THRAP3: variants seen among roughly 807,000 people sequenced by gnomAD.
THRAP3 encodes the protein thyroid hormone receptor-associated protein 3.
In THRAP3, 16 loss-of-function variants were observed where a neutral mutation model predicts 101.0. The observed-to-expected ratio is 0.16, with a 90% CI of 0.11 to 0.24. The LOEUF (loss-of-function observed/expected upper bound fraction) is 0.24. Among genes scored for constraint, THRAP3 ranks in the 10% least tolerant of loss-of-function variants. THRAP3 has a pLI of 1.00. For synonymous variants in THRAP3, 407 were observed against 422.6 expected (o/e 0.96, Z 0.45); for missense variants, 989 against 1,202.7 (o/e 0.82, Z 2.63).
chr1:36,213,696 A>C, the THRAP3 span, among the ~76,000 whole-genome samples: 1 of 151,374 alleles, frequency 6.6e-6, no homozygotes, highest in South Asian at 2.1e-4. Flanking sequence ...AAATACAAAA[A>C]ATTAGCCGGG....
intron 2 of THRAP3, among the ~76,000 whole-genome samples, chr1:36,278,673 C>T (rs1317974150): frequency 6.6e-6 from 1 of 152,112 alleles, no homozygotes; most frequent in East Asian, 1.9e-4. Flanking sequence ...CATGTAATCC[C>T]AGCACTTTGG....
chr1:36,242,393 G>A (rs1645171563), intron 1 of THRAP3, among the ~76,000 whole-genome samples: 1 of 151,420 alleles, frequency 6.6e-6, no homozygotes. Flanking sequence ...GCTGAAGTGA[G>A]CTTCCCAGCT....
chr1:36,213,940 AAAG>A, the THRAP3 span, among the ~76,000 whole-genome samples: 1 of 127,978 alleles, frequency 7.8e-6, no homozygotes, highest in Admixed American at 7.5e-5. Context: ...AGAAAGAAAG[AAAG>A]AAAGAAAGAA....
Position 36,296,704 on chromosome 1 carries a change from C to G in THRAP3, c.2237C>G (p.Ser746Cys). ...AGAGAATCAGTGGATTCCCGAGACT[C>G]CAGTCACTCAAGGGAAAGGTCAGCT... The part of the protein sequence containing the change: ...KSRESVDSRD[S>C]SHSRERSAEK... Residue 746 changes from serine to cysteine, a missense_variant, in exon 9 of 12, where the codon TCC (serine) becomes TGC (cysteine). By Grantham distance (112) the Ser-to-Cys change is moderately radical. Transcript: ENST00000354618. The G allele has an allele frequency of 6.2e-7, 1 of 1,610,092 alleles. No homozygotes were observed. Among genetic ancestry groups the G allele is most frequent in the Non-Finnish European group, 8.5e-7 (1 of 1,179,050 alleles).
chr1:36,269,046 A>G (rs1221156194), intron 2 of THRAP3, among the ~76,000 whole-genome samples: 1 of 144,764 alleles, frequency 6.9e-6, no homozygotes. Context: ...TTTAATCTGG[A>G]GAAAACAATA....
At chr1:36,277,776 T>C (rs1294789168) in intron 2 of THRAP3, among the ~76,000 whole-genome samples, 4 of 151,964 alleles carry the variant, frequency 2.6e-5, no homozygotes, top group Non-Finnish European at 5.9e-5. Context: ...ATTATTATTT[T>C]GAGACGGAAT....
At chr1:36,216,495 CAAAAAAA>C in the THRAP3 span, among the ~76,000 whole-genome samples, 17 of 56,394 alleles carry the variant, frequency 3.0e-4, no homozygotes, top group South Asian at 5.3e-4. Context: ...GACTCCGTCT[CAAAAAAA>C]AAAAAAAAAA....
chr1:36,233,112 GC>G (rs781432138), intron 1 of THRAP3, among the ~76,000 whole-genome samples: 7 of 151,318 alleles, frequency 4.6e-5, no homozygotes, highest in Non-Finnish European at 7.4e-5. Flanking sequence ...CAGGTGATCT[GC>G]CCCCTCGGCC....
In THRAP3 at chr1:36,250,700, G is replaced by T. The variant is rs551313021; in HGVS notation, c.-134-8682G>T. Among the ~76,000 whole-genome samples the T allele has an allele frequency of 2.0e-5, 3 of 151,252 alleles. No individual in the cohort carries two copies. In the South Asian group the frequency reaches 6.3e-4, roughly 32 times the overall value. The stretch of plus-strand genomic sequence containing the variant: ...GCTGAAGCGGGCGGATCACTTGAGG[G>T]CGGGAGTTCGAGACCAGCCTGGCCA... On this transcript the variant is annotated intron_variant, in intron 1 of 11. Coordinates refer to ENST00000354618, the MANE Select transcript of THRAP3 (RefSeq NM_005119.4).
At chr1:36,293,809 C>G in intron 7 of THRAP3, 42 bp from the exon 8 acceptor site, 1 of 1,526,150 alleles carries the variant, frequency 6.6e-7, no homozygotes. Flanking sequence ...GTATCATATT[C>G]ACACAATGGA....
intron 9 of THRAP3, among the ~76,000 whole-genome samples, chr1:36,299,740 C>T (rs1016384374): frequency 1.3e-5 from 2 of 152,068 alleles, no homozygotes; most frequent in South Asian, 4.2e-4. Flanking sequence ...AACTCCTGAC[C>T]TCAAGTGATC....
chr1:36,251,417 G>A (rs537757576), intron 1 of THRAP3, among the ~76,000 whole-genome samples: 1 of 152,262 alleles, frequency 6.6e-6, no homozygotes, highest in African/African-American at 2.4e-5. Flanking sequence ...AGGTAGAAAC[G>A]TTCAGGTGCA....
chr1:36,210,718 TA>T, the THRAP3 span, among the ~76,000 whole-genome samples: 1 of 7,208 alleles, frequency 1.4e-4, no homozygotes. Flanking sequence ...TATATATATA[TA>T]TATATATATA....
intron 2 of THRAP3, among the ~76,000 whole-genome samples, chr1:36,278,516 A>G (rs1026656152): frequency 2.0e-5 from 3 of 152,200 alleles, no homozygotes; most frequent in African/African-American, 7.2e-5. Flanking sequence ...GGCTTCTGAA[A>G]AGGATGATGG....
intron 1 of THRAP3, among the ~76,000 whole-genome samples, chr1:36,250,294 A>G (rs922959030): frequency 3.3e-5 from 5 of 151,180 alleles, no homozygotes; most frequent in Non-Finnish European, 5.9e-5. Context: ...GCTCACTGCA[A>G]CCTCCGCCTC....
the THRAP3 span, among the ~76,000 whole-genome samples, chr1:36,217,916 G>C: frequency 7.2e-5 from 11 of 152,040 alleles, no homozygotes; most frequent in African/African-American, 1.4e-4. Flanking sequence ...CCTACAAAAC[G>C]CTACAATGGC....
In THRAP3 at chr1:36,278,609, C is replaced by A. The variant is rs549299859; in HGVS notation, c.-31-3924C>A. On this transcript the variant is annotated intron_variant, in intron 2 of 11. Transcript: ENST00000354618. The stretch of plus-strand genomic sequence containing the variant: ...CTAGTGACAGAATTATATCTGAAAT[C>A]AATTCAAAAGGCTGTTTGAAATTCT... Among the ~76,000 whole-genome samples the A allele has an allele frequency of 3.3e-5, 5 of 152,254 alleles. No individual in the cohort carries two copies. In the South Asian group the frequency reaches 8.3e-4, roughly 25 times the overall value.
chr1:36,221,258 T>C (rs1188160706), upstream of THRAP3, among the ~76,000 whole-genome samples: 1 of 150,732 alleles, frequency 6.6e-6, no homozygotes, highest in Admixed American at 6.6e-5. Flanking sequence ...TTATGTAAAG[T>C]TGGTTGATAA....
chr1:36,284,985 C>T (rs1257107532), intron 3 of THRAP3, among the ~76,000 whole-genome samples: 2 of 152,052 alleles, frequency 1.3e-5, no homozygotes, highest in Non-Finnish European at 2.9e-5. Flanking sequence ...TATATCTTTG[C>T]CAGTTGCTCT....
Sources: allele counts gnomAD v4.1 joint callset (sites outside exome capture counted in the v4.1 genomes callset), GRCh38; gene constraint gnomAD v4.1.1; transcripts MANE v1.5; gene names NCBI Gene and HGNC (gene_info 2026-07-23, HGNC 2026-07-21).